The following RNF216 variants were observed in gnomAD, a reference collection of about 807,000 sequenced individuals.
RNF216 encodes E3 ubiquitin-protein ligase RNF216.
RNF216 carries 72 observed loss-of-function variants against 110.8 expected under a neutral mutation model. The ratio of observed to expected loss-of-function variants is 0.65; its 90% CI spans 0.54 to 0.79. RNF216 has a LOEUF of 0.79. Ranked by LOEUF, RNF216 falls within the 30% of genes least tolerant of loss-of-function variation. RNF216 has a pLI of 0.00. For missense variants in RNF216, 1,342 were observed against 1,141.2 expected (o/e 1.18, Z -2.54); for synonymous variants, 495 against 407.5 (o/e 1.21, Z -2.59).
At position 5,705,962 on chromosome 7, in the gene RNF216, CAA is replaced by C. The variant is rs917967349; in HGVS notation, c.2061+5797_2061+5798del. 5.3e-5 allele frequency among the ~76,000 whole-genome samples: 8 copies of C among 150,480 alleles called. No individual in the cohort carries two copies. In the East Asian group the frequency reaches 9.8e-4, roughly 18 times the overall value. On this transcript the variant is annotated intron_variant, in intron 13 of 16. Transcript: ENST00000389902. ...CAAAACAAAACAAAACAAAACAAAA[CAA>C]AACACCACTCTGGGAGGCCGAAGCA...
intron 9 of RNF216, among the ~76,000 whole-genome samples, chr7:5,720,003 CAA>C (rs1480259872): frequency 1.3e-5 from 2 of 152,182 alleles, no homozygotes; most frequent in Non-Finnish European, 2.9e-5. Context: ...ACTGCTTTAT[CAA>C]AGACATTTTC....
chr7:5,623,759 T>A (rs976742717), intron 16 of RNF216, among the ~76,000 whole-genome samples: 1 of 152,142 alleles, frequency 6.6e-6, no homozygotes, highest in African/African-American at 2.4e-5. Flanking sequence ...CTCAGAAGGA[T>A]CAGCTGGGTC....
chr7:5,643,275 T>C (rs895908716), intron 14 of RNF216, among the ~76,000 whole-genome samples: 3 of 151,996 alleles, frequency 2.0e-5, no homozygotes, highest in African/African-American at 7.3e-5. Context: ...TGGAGTTTTA[T>C]TATGGGATGT....
intron 13 of RNF216, among the ~76,000 whole-genome samples, chr7:5,684,939 T>C (rs1584447854): frequency 6.6e-6 from 1 of 152,000 alleles, no homozygotes; most frequent in Non-Finnish European, 1.5e-5. Context: ...GTCTGTAGCT[T>C]TGTCACCCCA....
intron 16 of RNF216, among the ~76,000 whole-genome samples, chr7:5,623,819 A>AC (rs1170658106): frequency 6.6e-6 from 1 of 151,824 alleles, no homozygotes; most frequent in African/African-American, 2.4e-5. Context: ...GCTCAAACCC[A>AC]CCCCTTGGGA....
chr7:5,672,986 G>A lies in RNF216; in HGVS notation c.2062-20476C>T, dbSNP rs529516522. ...GTCCTGGCTACAGCTCAGGATCTGC[G>A]GTTTATAGATGTATTGTGTCTTAAC... On this transcript the variant is annotated intron_variant, in intron 13 of 16. Coordinates refer to ENST00000389902, the MANE Select transcript of RNF216 (RefSeq NM_207111.4). Among the ~76,000 whole-genome samples the A allele has an allele frequency of 7.2e-5, 11 of 152,278 alleles. No homozygotes were observed. The East Asian group carries it at 1.5e-3, about 21-fold the overall frequency.
chr7:5,725,999 G>A (rs1490728892), intron 7 of RNF216, among the ~76,000 whole-genome samples: 1 of 152,170 alleles, frequency 6.6e-6, no homozygotes, highest in Admixed American at 6.6e-5. Context: ...ACTGTTGGCT[G>A]GGTGCAGTGG....
rs545986704 is a variant in RNF216, at chr7:5,735,807, A to G, written c.1121+3469T>C. Among the ~76,000 whole-genome samples the G allele has an allele frequency of 2.6e-5, 4 of 152,324 alleles. No individual in the cohort carries two copies. In the East Asian group the frequency reaches 7.7e-4, roughly 29 times the overall value. On this transcript the variant is annotated intron_variant, in intron 5 of 16. Transcript: ENST00000389902. ...TGTTAAGTAAAATTGATAAAGATTA[A>G]GGGAAGGCCAGGTGCAGTGGGTCAC... is the stretch of plus-strand genomic sequence containing the variant.
At chr7:5,754,122 GTGT>G (rs1562463781) in intron 2 of RNF216, among the ~76,000 whole-genome samples, 20 of 8,604 alleles carry the variant, frequency 2.3e-3, no homozygotes, top group South Asian at 0.013. Flanking sequence ...TTTGTGTGGT[GTGT>G]GTGTGTGTGT....
At chr7:5,641,648 A>G (rs141931244) in intron 14 of RNF216, among the ~76,000 whole-genome samples, 139 of 152,326 alleles carry the variant, frequency 9.1e-4, no homozygotes, top group African/African-American at 3.2e-3. Context: ...TGAGAATTAC[A>G]GACAAAATAT....
intron 6 of RNF216, among the ~76,000 whole-genome samples, chr7:5,730,065 T>C (rs1793998971): frequency 6.6e-6 from 1 of 152,230 alleles, no homozygotes; most frequent in African/African-American, 2.4e-5. Context: ...TGTTTACATC[T>C]TGATATGAGA....
chr7:5,687,946 T>TCATG (rs946046984), intron 13 of RNF216, among the ~76,000 whole-genome samples: 1 of 152,218 alleles, frequency 6.6e-6, no homozygotes, highest in African/African-American at 2.4e-5. Context: ...TCCCGGACTG[T>TCATG]CATGCCACAG....
chr7:5,630,711 G>A (rs1024920447), intron 15 of RNF216, among the ~76,000 whole-genome samples: 4 of 152,088 alleles, frequency 2.6e-5, no homozygotes, highest in Admixed American at 1.3e-4. Flanking sequence ...CTTATAAAGC[G>A]CCAAGCACAG....
chr7:5,674,767 T>G (rs6945345), intron 13 of RNF216, among the ~76,000 whole-genome samples: 59,539 of 151,958 alleles, frequency 0.39, 12,960 homozygotes, highest in Middle Eastern at 0.53. Flanking sequence ...AGGCCGAGGT[T>G]GGCAGATCAC....
intron 13 of RNF216, among the ~76,000 whole-genome samples, chr7:5,705,234 A>G (rs1792208131): frequency 6.6e-6 from 1 of 152,160 alleles, no homozygotes; most frequent in African/African-American, 2.4e-5. Flanking sequence ...AAAAACACGT[A>G]CACACTGGAT....
intron 3 of RNF216, among the ~76,000 whole-genome samples, chr7:5,747,551 T>C (rs1016210036): frequency 2.0e-5 from 3 of 152,100 alleles, no homozygotes; most frequent in Non-Finnish European, 2.9e-5. Context: ...TGCCCCTTTA[T>C]AAACTAAGAC....
chr7:5,690,068 C>T (rs895234827), intron 13 of RNF216, among the ~76,000 whole-genome samples: 1 of 152,062 alleles, frequency 6.6e-6, no homozygotes, highest in African/African-American at 2.4e-5. Context: ...GTGGCTCATG[C>T]CTGTAATCCC....
intron 13 of RNF216, among the ~76,000 whole-genome samples, chr7:5,668,984 C>T (rs1346994855): frequency 6.6e-6 from 1 of 152,198 alleles, no homozygotes; most frequent in Non-Finnish European, 1.5e-5. Flanking sequence ...AGTCATCTCC[C>T]CCAGGAATAT....
intron 13 of RNF216, among the ~76,000 whole-genome samples, chr7:5,703,986 T>C (rs1792129333): frequency 6.6e-6 from 1 of 152,210 alleles, no homozygotes; most frequent in Admixed American, 6.5e-5. Flanking sequence ...CACTCTTCAG[T>C]CTCACACCAA....
Sources: gnomAD v4.1 joint callset for allele counts (sites outside exome capture counted in the v4.1 genomes callset) on GRCh38, gnomAD v4.1.1 for gene constraint, MANE v1.5 for transcripts, NCBI Gene and HGNC (gene_info 2026-07-23, HGNC 2026-07-21) for gene names.